CAPN13: variants seen among roughly 807,000 people sequenced by gnomAD.
CAPN13 encodes the protein calpain 13, also known as calpain-13.
A neutral mutation model predicts 98.4 loss-of-function variants in CAPN13; 90 were observed. The observed-to-expected ratio is 0.92, with a 90% CI of 0.77 to 1.09. CAPN13 has a LOEUF of 1.09. Ranked by LOEUF, CAPN13 falls within the 50% of genes least tolerant of loss-of-function variation. The pLI is 0.00. For synonymous variants in CAPN13, 330 were observed against 305.5 expected (o/e 1.08, Z -0.84); for missense variants, 887 against 841.3 (o/e 1.05, Z -0.67).
At chr2:30,778,231 G>T (rs950089047) in intron 2 of CAPN13, among the ~76,000 whole-genome samples, 1 of 152,202 alleles carries the variant, frequency 6.6e-6, no homozygotes, top group African/African-American at 2.4e-5. Context: ...GGTACTCAGT[G>T]CCCGGTCCTT....
At position 30,740,662 on chromosome 2, in the gene CAPN13, G is replaced by A. The variant is rs368929678; in HGVS notation, c.1536+1246C>T. On this transcript the variant is annotated intron_variant, in intron 15 of 22. Coordinates refer to ENST00000295055, the MANE Select transcript of CAPN13 (RefSeq NM_144575.3). ...ACTGGGGTCTTATTCTTATTCCCAC[G>A]AAGGCCCCCTATGGGCCACCAGTCA... is the stretch of plus-strand genomic sequence containing the variant. 1.4e-4 allele frequency among the ~76,000 whole-genome samples: 21 copies of A among 152,308 alleles called. No individual in the cohort carries two copies. The East Asian group carries it at 1.9e-3, about 14-fold the overall frequency.
In CAPN13 at chr2:30,777,551, G is replaced by T. The variant is rs1572858637; in HGVS notation, c.271+16C>A. 5 of 1,563,764 alleles carry T rather than the reference G, an allele frequency of 3.2e-6. No homozygotes were observed. In the East Asian group the frequency reaches 1.2e-4, roughly 37 times the overall value. On this transcript the variant is annotated intron_variant, in intron 3 of 22. Coordinates refer to ENST00000295055, the MANE Select transcript of CAPN13 (RefSeq NM_144575.3). ...CTTCCTATCCAGGGCACGGAGGGAA[G>T]ATGTTGCACTCTTACCTGCGCCTCC...
Position 30,743,375 on chromosome 2 carries a change from T to A in CAPN13, c.1445+8A>T, listed in dbSNP as rs561176174. The A allele has an allele frequency of 5.0e-6, 8 of 1,608,874 alleles. No homozygotes were observed. The African/African-American group carries it at 6.7e-5, about 13-fold the overall frequency. ...ATAAAACATTTACAATCCCAGAGGGTTCTGTACCTGTCACTGTCTGGCATT... is the reference window on the plus strand; with the variant it reads ...ATAAAACATTTACAATCCCAGAGGGATCTGTACCTGTCACTGTCTGGCATT... On this transcript the variant is annotated splice_region_variant and intron_variant, in intron 13 of 22. Coordinates refer to ENST00000295055, the MANE Select transcript of CAPN13 (RefSeq NM_144575.3).
rs1000407153 is a variant in CAPN13 at position 30,761,171 on chromosome 2, C to T, written c.774+1911G>A. 6.6e-5 allele frequency among the ~76,000 whole-genome samples: 10 copies of T among 152,308 alleles called. No individual in the cohort carries two copies. The South Asian group carries it at 1.9e-3, about 28-fold the overall frequency. On this transcript the variant is annotated intron_variant, in intron 7 of 22. Coordinates refer to ENST00000295055, the MANE Select transcript of CAPN13 (RefSeq NM_144575.3). ...CCAAATGTATTTGGAAACCCATTTT[C>T]ATAGAGGCTAGTGCTTCTTAGAACA...
At chr2:30,739,482 C>G (rs1310669559) in intron 15 of CAPN13, among the ~76,000 whole-genome samples, 1 of 152,008 alleles carries the variant, frequency 6.6e-6, no homozygotes, top group East Asian at 1.9e-4. Context: ...TCAGGATGCC[C>G]CTGAGGAAAG....
In CAPN13 at chr2:30,743,461, T is replaced by C. The variant is rs1175014563; in HGVS notation, c.1367A>G (p.Tyr456Cys). The change falls in exon 13 of 23, where the codon TAT becomes TGT. Residue 456 changes from tyrosine to cysteine, a missense_variant. Coordinates refer to ENST00000295055, the MANE Select transcript of CAPN13 (RefSeq NM_144575.3). ...TCTCCGTGTCTGTGCAACCACAACA[T>C]AGTTCCCAGGGCTCAGATGGTAAGT... The part of the protein sequence containing the change: ...TMTYHLSPGN[Y>C]VVVAQTRRKS... 6.2e-7 allele frequency: 1 copy of C among 1,613,946 alleles called. No homozygotes were observed. The highest frequency in any genetic ancestry group is 2.2e-5 in the East Asian group (1 of 44,880).
chr2:30,765,540 G>A (rs940451290), intron 5 of CAPN13, among the ~76,000 whole-genome samples: 9 of 152,182 alleles, frequency 5.9e-5, no homozygotes, highest in African/African-American at 2.2e-4. Flanking sequence ...CCCTCCAACT[G>A]GGTCTTCCAC....
chr2:30,762,953 G>T, intron 7 of CAPN13, 129 bp downstream of exon 7: 1 of 689,160 alleles, frequency 1.5e-6, no homozygotes, highest in Non-Finnish European at 2.3e-6. Flanking sequence ...TGTCACCACA[G>T]AGGCAAGGGC....
intron 1 of CAPN13, among the ~76,000 whole-genome samples, chr2:30,794,064 T>C (rs1332874282): frequency 6.6e-6 from 1 of 151,666 alleles, no homozygotes; most frequent in African/African-American, 2.4e-5. Flanking sequence ...AAAAAATTGA[T>C]AAATTAGACT....
intron 6 of CAPN13, among the ~76,000 whole-genome samples, 171 bp from the exon 7 acceptor site, chr2:30,763,327 G>A (rs899324252): frequency 6.6e-6 from 1 of 152,260 alleles, no homozygotes; most frequent in African/African-American, 2.4e-5. Context: ...GCCATTGGGT[G>A]TCTGAGGCCC....
intron 7 of CAPN13, 92 bp downstream of exon 7, chr2:30,762,990 G>T: frequency 2.0e-6 from 2 of 1,025,358 alleles, no homozygotes; most frequent in East Asian, 2.7e-5. Flanking sequence ...ATCTTTCTTG[G>T]GCTTTCATGT....
At chr2:30,797,548 G>A (rs1012897638) in intron 1 of CAPN13, among the ~76,000 whole-genome samples, 4 of 152,074 alleles carry the variant, frequency 2.6e-5, no homozygotes, top group Non-Finnish European at 5.9e-5. Flanking sequence ...TATTAATTGA[G>A]AAGATTCTTG....
chr2:30,731,919 T>A (rs976249141), intron 20 of CAPN13, among the ~76,000 whole-genome samples: 1 of 152,148 alleles, frequency 6.6e-6, no homozygotes, highest in Non-Finnish European at 1.5e-5. Flanking sequence ...CTGGCCTCTC[T>A]CCTGCAATCA....
chr2:30,788,449 G>A (rs1461715412), intron 1 of CAPN13, among the ~76,000 whole-genome samples: 1 of 152,208 alleles, frequency 6.6e-6, no homozygotes, highest in South Asian at 2.1e-4. Flanking sequence ...TCCTCCATCT[G>A]TGAGGCTGGC....
intron 22 of CAPN13, among the ~76,000 whole-genome samples, chr2:30,725,054 C>A (rs1160123695): frequency 1.3e-5 from 2 of 152,090 alleles, no homozygotes; most frequent in Non-Finnish European, 2.9e-5. Context: ...TAGAATAAGG[C>A]ATTTTACTGG....
At chr2:30,772,447 C>T (rs1017182280) in intron 4 of CAPN13, among the ~76,000 whole-genome samples, 6 of 152,186 alleles carry the variant, frequency 3.9e-5, no homozygotes, top group Admixed American at 3.3e-4. Flanking sequence ...TGACTTTATT[C>T]ACCACCCAAA....
intron 1 of CAPN13, among the ~76,000 whole-genome samples, chr2:30,803,257 C>G (rs74841634): frequency 0.025 from 3,801 of 152,290 alleles, 164 homozygotes; most frequent in African/African-American, 0.086. Flanking sequence ...TGGCTTCAGA[C>G]CTTTGAGAAC....
intron 4 of CAPN13, 120 bp from the exon 5 acceptor site, chr2:30,770,569 G>T: frequency 1.6e-6 from 2 of 1,236,354 alleles, no homozygotes; most frequent in Non-Finnish European, 2.2e-6. Context: ...ACTCTATTCC[G>T]AACAAAATCC....
chr2:30,745,871 T>G, intron 11 of CAPN13, 137 bp from the exon 12 acceptor site: 6 of 672,826 alleles, frequency 8.9e-6, no homozygotes, highest in Non-Finnish European at 1.5e-5. Flanking sequence ...AGAATTTATT[T>G]TATATCTGTT....
Sources: gnomAD v4.1 joint callset for allele counts (sites outside exome capture counted in the v4.1 genomes callset) on GRCh38, gnomAD v4.1.1 for gene constraint, MANE v1.5 for transcripts, NCBI Gene and HGNC (gene_info 2026-07-23, HGNC 2026-07-21) for gene names.